VNN2: variants seen among roughly 807,000 people sequenced by gnomAD.
VNN2 encodes the protein pantetheine hydrolase VNN2.
Under a neutral mutation model 43.0 loss-of-function variants are expected in VNN2, and 43 were observed. That is an observed-to-expected ratio of 1.00 (90% CI 0.78 to 1.29). The LOEUF (loss-of-function observed/expected upper bound fraction) is 1.29. VNN2 is among the 50% of genes most tolerant of loss of function. VNN2 has a pLI of 0.00. For synonymous variants in VNN2, 230 were observed against 224.3 expected (o/e 1.03, Z -0.23); for missense variants, 652 against 619.7 (o/e 1.05, Z -0.55).
chr6:132,752,962 C>G lies in VNN2; in HGVS notation c.538-213G>C, dbSNP rs1582827964. 9 of 508,122 alleles carry G rather than the reference C, an allele frequency of 1.8e-5. No homozygotes were observed. The East Asian group carries it at 2.9e-4, about 16-fold the overall frequency. 31.5% of individuals were successfully genotyped at this position (508,122 alleles called of 1,614,324 possible). ...ATAGCATCTCTCATCTCCTCTCTCT[C>G]CCTTCTCTCTCTTTCCCTCTCTCTC... On this transcript the variant is annotated intron_variant, in intron 3 of 6. Transcript: ENST00000326499.
intron 5 of VNN2, among the ~76,000 whole-genome samples, chr6:132,750,145 G>GA (rs1457932834): frequency 6.6e-6 from 1 of 152,164 alleles, no homozygotes; most frequent in East Asian, 1.9e-4. Context: ...CGAGCTCAAT[G>GA]AAGTGGAGAT....
chr6:132,745,250 C>T (rs1779650266), intron 6 of VNN2, among the ~76,000 whole-genome samples: 1 of 152,150 alleles, frequency 6.6e-6, no homozygotes, highest in Admixed American at 6.5e-5. Context: ...GAGTCTCGCT[C>T]TGTCACCCAG....
upstream of VNN2, among the ~76,000 whole-genome samples, chr6:132,759,261 AC>A (rs568107311): frequency 2.0e-5 from 3 of 151,524 alleles, no homozygotes; most frequent in Non-Finnish European, 2.9e-5. Context: ...ACATAGTGGA[AC>A]CCCCCATCTC....
chr6:132,746,738 G>C (rs756498044), intron 6 of VNN2, among the ~76,000 whole-genome samples: 1 of 152,136 alleles, frequency 6.6e-6, no homozygotes, highest in Non-Finnish European at 1.5e-5. Context: ...GTACTTTTGA[G>C]AGGATTTGCC....
upstream of VNN2, among the ~76,000 whole-genome samples, chr6:132,762,559 G>A (rs762169297): frequency 1.6e-4 from 25 of 152,236 alleles, no homozygotes; most frequent in Non-Finnish European, 3.4e-4. Context: ...ACTGAGTCAG[G>A]CCCTGTAAAA....
chr6:132,752,114 A>G (rs1247307138), intron 4 of VNN2, among the ~76,000 whole-genome samples: 1 of 152,194 alleles, frequency 6.6e-6, no homozygotes, highest in Non-Finnish European at 1.5e-5. Flanking sequence ...ATAGGAGGAG[A>G]CAAAGGGCAA....
At position 132,744,148 on chromosome 6, in the gene VNN2, C is replaced by T. The variant is rs1779581205; in HGVS notation, c.*152G>A. The T allele has an allele frequency of 1.6e-5, 10 of 621,974 alleles. No homozygotes were observed. Among genetic ancestry groups the T allele is most frequent in the Non-Finnish European group, 2.5e-5 (10 of 398,826 alleles). The allele number at this position is 621,974 out of a possible 1,614,324, so 38.5% of individuals were successfully genotyped here. A position where few individuals can be genotyped will look rare whatever the true frequency, so the allele number is the denominator to read the frequency against. ...AAAAATGGACAACATTATCATAATACTTAAAAAATAATTATTGATGAGAAA... is the reference window on the plus strand; with the variant it reads ...AAAAATGGACAACATTATCATAATATTTAAAAAATAATTATTGATGAGAAA... On this transcript the variant is annotated 3_prime_UTR_variant, in exon 7 of 7. Coordinates refer to ENST00000326499, the MANE Select transcript of VNN2 (RefSeq NM_004665.6).
chr6:132,752,767 G>A lies in VNN2; in HGVS notation c.538-18C>T, dbSNP rs780017771. The A allele has an allele frequency of 6.3e-7, 1 of 1,594,970 alleles. No homozygotes were observed. Among genetic ancestry groups the A allele is most frequent in the Non-Finnish European group, 8.5e-7 (1 of 1,171,310 alleles). Reference sequence around the variant, plus strand: ...AGGTGGTACTACAACAAATGGATAGGAGAAAACCAGTAAAACCTTATTTGT... The same window carrying A: ...AGGTGGTACTACAACAAATGGATAGAAGAAAACCAGTAAAACCTTATTTGT... On this transcript the variant is annotated intron_variant, in intron 3 of 6. Coordinates refer to ENST00000326499, the MANE Select transcript of VNN2 (RefSeq NM_004665.6).
chr6:132,759,840 GA>G (rs1780697690), upstream of VNN2, among the ~76,000 whole-genome samples: 1 of 152,090 alleles, frequency 6.6e-6, no homozygotes, highest in African/African-American at 2.4e-5. Flanking sequence ...AATGTAAAGG[GA>G]TAGATATTTT....
At chr6:132,745,992 A>G (rs1304194630) in intron 6 of VNN2, among the ~76,000 whole-genome samples, 1 of 152,246 alleles carries the variant, frequency 6.6e-6, no homozygotes, top group Non-Finnish European at 1.5e-5. Context: ...TAAATATCCT[A>G]GAAGATAATG....
upstream of VNN2, chr6:132,758,033 C>CTTA: frequency 1.4e-5 from 1 of 69,414 alleles, no homozygotes; most frequent in Non-Finnish European, 2.2e-5. Context: ...TCTTCTTCTT[C>CTTA]TTCTTCTTTT....
chr6:132,762,431 T>A (rs951927578), upstream of VNN2, among the ~76,000 whole-genome samples: 3 of 152,190 alleles, frequency 2.0e-5, no homozygotes, highest in African/African-American at 7.2e-5. Flanking sequence ...GTTAAAACTG[T>A]TCCTCTTAAT....
intron 5 of VNN2, 134 bp downstream of exon 5, chr6:132,751,006 GTGTGT>G: frequency 4.1e-6 from 4 of 979,600 alleles, no homozygotes; most frequent in Non-Finnish European, 6.0e-6. Flanking sequence ...GTGTGTGTGT[GTGTGT>G]TGTGTGTGTG....
chr6:132,747,443 C>T (rs1407121763), intron 6 of VNN2, among the ~76,000 whole-genome samples: 1 of 151,834 alleles, frequency 6.6e-6, no homozygotes, highest in Non-Finnish European at 1.5e-5. Context: ...ATGGTGAAAC[C>T]CCATCTCCAC....
At chr6:132,754,810 G>A (rs1232174410) in intron 3 of VNN2, among the ~76,000 whole-genome samples, 1 of 152,114 alleles carries the variant, frequency 6.6e-6, no homozygotes, top group African/African-American at 2.4e-5. Flanking sequence ...TGGTTTGATA[G>A]CAAATTAACT....
At chr6:132,752,286 G>A (rs35229014) in intron 4 of VNN2, among the ~76,000 whole-genome samples, 175 bp downstream of exon 4, 17,365 of 151,994 alleles carry the variant, frequency 0.11, 1,150 homozygotes, top group South Asian at 0.16. Context: ...ACACATAAAG[G>A]TCTTAGTATA....
chr6:132,758,327 GCCA>G (rs1780627419), upstream of VNN2, among the ~76,000 whole-genome samples: 2 of 152,030 alleles, frequency 1.3e-5, no homozygotes, highest in Non-Finnish European at 2.9e-5. Flanking sequence ...ACAGGCGTGA[GCCA>G]CTGCACTTGG....
rs1444475996 is a variant in VNN2, at chr6:132,751,424, A to G, written c.921T>C (p.His307=). 5.0e-6 allele frequency: 8 copies of G among 1,614,134 alleles called. No individual in the cohort carries two copies. Among genetic ancestry groups the G allele is most frequent in the South Asian group, 3.3e-5 (3 of 91,090 alleles). Residue 307 remains histidine, a synonymous_variant, in exon 5 of 7, where the codon CAT becomes CAC. Coordinates refer to ENST00000326499, the MANE Select transcript of VNN2 (RefSeq NM_004665.6). ...TTGGGTAGGCAAGCGAGGATAGGGG[A>G]TGTGAATCCACCTCTGAAAGGAGAA... ...GKLLLSEVDS[H]PLSSLAYPTA...
At chr6:132,755,383 CT>C (rs397728432) in intron 3 of VNN2, among the ~76,000 whole-genome samples, 60 of 118,890 alleles carry the variant, frequency 5.0e-4, no homozygotes, top group Non-Finnish European at 7.3e-4. Flanking sequence ...TCTTTTTTTT[CT>C]TTTTTTTTTT....
Sources: gnomAD v4.1 joint callset for allele counts (sites outside exome capture counted in the v4.1 genomes callset) on GRCh38, gnomAD v4.1.1 for gene constraint, MANE v1.5 for transcripts, NCBI Gene and HGNC (gene_info 2026-07-23, HGNC 2026-07-21) for gene names.